FOXP1: variants seen among roughly 807,000 people sequenced by gnomAD.
FOXP1 encodes the protein forkhead box P1, also known as forkhead box protein P1.
A neutral mutation model predicts 98.2 loss-of-function variants in FOXP1; 15 were observed. The ratio of observed to expected loss-of-function variants is 0.15; its 90% CI spans 0.10 to 0.24. The LOEUF (loss-of-function observed/expected upper bound fraction) is 0.24, where lower values mean the gene tolerates loss of function less well. FOXP1 is among the 10% of genes least tolerant of loss of function. FOXP1 has a pLI of 1.00. For synonymous variants in FOXP1, 371 were observed against 314.5 expected, an observed-to-expected ratio of 1.18 and a Z score of -1.90; for missense variants, 633 against 848.5, an observed-to-expected ratio of 0.75 and a Z score of 3.15.
At chr3:71,192,715 T>A (rs919745787) in intron 6 of FOXP1, among the ~76,000 whole-genome samples, 1 of 151,898 alleles carries the variant, frequency 6.6e-6, no homozygotes, top group Non-Finnish European at 1.5e-5. Flanking sequence ...AGTGGCAAGA[T>A]CTCAGTTCAC....
intron 4 of FOXP1, among the ~76,000 whole-genome samples, chr3:71,348,506 AGTGTGTGTGTGTGTGCGT>A (rs1407042982): frequency 5.5e-5 from 5 of 90,552 alleles, no homozygotes; most frequent in East Asian, 1.0e-3. Flanking sequence ...TGCTGTGTTC[AGTGTGTGTGTGTGTGCGT>A]GTGTGTGTGT....
At chr3:71,325,421 C>T (rs1215009270) in intron 4 of FOXP1, among the ~76,000 whole-genome samples, 1 of 152,140 alleles carries the variant, frequency 6.6e-6, no homozygotes, top group Non-Finnish European at 1.5e-5. Context: ...CCAAACACAA[C>T]AGGTCTGAGA....
rs3064896 is a variant in FOXP1, at chr3:71,174,785, T to TACACACACACACACACAC, written c.180+23399_180+23416dup. ...CGAATACACAATGTATGCACATGCA[T>TACACACACACACACACAC]ACACACACACACACACACACACACA... On this transcript the variant is annotated intron_variant, in intron 6 of 20. Coordinates refer to ENST00000649528, the MANE Select transcript of FOXP1 (RefSeq NM_001349338.3). Among the ~76,000 whole-genome samples the TACACACACACACACACAC allele has an allele frequency of 4.1e-3, 537 of 131,728 alleles. 6 individuals carry two copies. The highest frequency in any genetic ancestry group is 6.1e-3 in the Non-Finnish European group (373 of 60,822). The allele number at this position is 131,728 out of a possible 152,430, so 86.4% of individuals were successfully genotyped here.
At chr3:71,138,194 C>T (rs952927641) in intron 6 of FOXP1, among the ~76,000 whole-genome samples, 1 of 151,994 alleles carries the variant, frequency 6.6e-6, no homozygotes, top group Non-Finnish European at 1.5e-5. Flanking sequence ...GGAGAACACA[C>T]GTGGAGGAAG....
At chr3:70,964,350 C>T (rs2034277398) in intron 20 of FOXP1, among the ~76,000 whole-genome samples, 1 of 152,194 alleles carries the variant, frequency 6.6e-6, no homozygotes, top group Non-Finnish European at 1.5e-5. Flanking sequence ...GCAAAATCAG[C>T]ATCACTCTGA....
chr3:70,962,192 A>T (rs2033702472), intron 20 of FOXP1, among the ~76,000 whole-genome samples: 1 of 152,200 alleles, frequency 6.6e-6, no homozygotes, highest in South Asian at 2.1e-4. Context: ...TATAATGTTT[A>T]TGGCTAGATG....
intron 12 of FOXP1, among the ~76,000 whole-genome samples, chr3:71,013,182 T>C (rs2107715058): frequency 6.6e-6 from 1 of 152,276 alleles, no homozygotes; most frequent in South Asian, 2.1e-4. Flanking sequence ...AGTCATACTT[T>C]AACAGTAGAA....
chr3:71,056,462 T>C (rs989260165), intron 7 of FOXP1, among the ~76,000 whole-genome samples: 1 of 152,202 alleles, frequency 6.6e-6, no homozygotes, highest in African/African-American at 2.4e-5. Flanking sequence ...TTTTTCCTTT[T>C]GGACATTTTG....
chr3:71,039,884 T>C (rs1381883781), intron 11 of FOXP1, among the ~76,000 whole-genome samples: 1 of 152,144 alleles, frequency 6.6e-6, no homozygotes, highest in Non-Finnish European at 1.5e-5. Flanking sequence ...CTCCAAAGAT[T>C]GTCAGTGTCC....
At chr3:71,197,983 A>G in intron 6 of FOXP1, 1 of 1,614,212 alleles carries the variant, frequency 6.2e-7, no homozygotes, top group Non-Finnish European at 8.5e-7. Flanking sequence ...GGGGACCTGC[A>G]GGACTTCCAA....
rs147117068 is a variant in FOXP1, at chr3:71,259,426, A to G, written c.-12+40394T>C. ...AATGGTTTGCTGAACTGGCACATAC[A>G]AAGTGTTTGGTAAATATTACCTCCT... On this transcript the variant is annotated intron_variant, in intron 5 of 20. Transcript: ENST00000649528. 2.5e-3 allele frequency among the ~76,000 whole-genome samples: 376 copies of G among 152,358 alleles called. 2 individuals are homozygous for G. The highest frequency in any genetic ancestry group is 8.7e-3 in the African/African-American group (362 of 41,584).
chr3:71,581,849 GAGAGGATGC>G (rs2048197940), intron 1 of FOXP1, 152 bp from the exon 2 acceptor site: 1 of 986,154 alleles, frequency 1.0e-6, no homozygotes. Flanking sequence ...GTGGAGGGAA[GAGAGGATGC>G]GGCTCAGGGA....
At position 70,998,338 on chromosome 3, in the gene FOXP1, T is replaced by C. The variant is rs1036244437; in HGVS notation, c.1062+2634A>G. ...CATGGACACTGAAATTGGAATTTCC[T>C]AGACTTTTCACCAGTCACGAAATAA... On this transcript the variant is annotated intron_variant, in intron 13 of 20. Coordinates refer to ENST00000649528, the MANE Select transcript of FOXP1 (RefSeq NM_001349338.3). 3.9e-5 allele frequency among the ~76,000 whole-genome samples: 6 copies of C among 152,214 alleles called. No individual in the cohort carries two copies. The South Asian group carries it at 8.3e-4, about 21-fold the overall frequency.
chr3:71,564,613 T>C (rs1039713713), intron 2 of FOXP1, among the ~76,000 whole-genome samples: 2 of 152,184 alleles, frequency 1.3e-5, no homozygotes, highest in East Asian at 1.9e-4. Flanking sequence ...CATGACCACA[T>C]TGGATGAGGA....
At chr3:71,448,587 T>C (rs1353706439) in intron 3 of FOXP1, among the ~76,000 whole-genome samples, 2 of 152,208 alleles carry the variant, frequency 1.3e-5, no homozygotes, top group Admixed American at 1.3e-4. Flanking sequence ...AATGTCCTCA[T>C]ATGTAAACTA....
At chr3:71,108,385 G>A (rs967498773) in intron 7 of FOXP1, among the ~76,000 whole-genome samples, 3 of 152,168 alleles carry the variant, frequency 2.0e-5, no homozygotes, top group African/African-American at 7.2e-5. Context: ...GTAAAGTTAC[G>A]CATTTTCGAG....
intron 4 of FOXP1, among the ~76,000 whole-genome samples, chr3:71,347,380 T>A (rs1343115623): frequency 6.6e-6 from 1 of 152,104 alleles, no homozygotes; most frequent in Non-Finnish European, 1.5e-5. Flanking sequence ...ATAATCAAAT[T>A]CATAAAAACC....
intron 2 of FOXP1, 145 bp downstream of exon 2, chr3:71,581,404 T>C: frequency 2.0e-6 from 2 of 985,450 alleles, no homozygotes; most frequent in Non-Finnish European, 1.2e-6. Context: ...CCTACCGGCC[T>C]GAGGATGGGC....
At position 71,567,383 on chromosome 3, in the gene FOXP1, G is replaced by A. The variant is rs574337512; in HGVS notation, c.-298+14166C>T. On this transcript the variant is annotated intron_variant, in intron 2 of 20. Transcript: ENST00000649528. ...AGATAAACCGAAACGCAGAGACTCC[G>A]TCATTTGCTCAGGATGCCAAAGCTA... 5.3e-5 allele frequency among the ~76,000 whole-genome samples: 8 copies of A among 151,930 alleles called. No individual in the cohort carries two copies. The South Asian group carries it at 8.3e-4, about 16-fold the overall frequency.
Sources: allele counts gnomAD v4.1 joint callset (sites outside exome capture counted in the v4.1 genomes callset), GRCh38; gene constraint gnomAD v4.1.1; transcripts MANE v1.5; gene names NCBI Gene and HGNC (gene_info 2026-07-23, HGNC 2026-07-21).